AVEN: variants seen among roughly 807,000 people sequenced by gnomAD.
AVEN encodes the protein cell death regulator Aven.
AVEN carries 41 observed loss-of-function variants against 38.1 expected under a neutral mutation model. The ratio of observed to expected loss-of-function variants is 1.08; its 90% CI spans 0.84 to 1.40. AVEN has a LOEUF of 1.40. Ranked by LOEUF, AVEN falls within the 40% of genes most tolerant of loss-of-function variation. AVEN has a pLI of 0.00. For synonymous variants in AVEN, 206 were observed against 171.8 expected (o/e 1.20, Z -1.56); for missense variants, 605 against 438.8 (o/e 1.38, Z -3.38).
chr15:33,940,445 G>A (rs574774610), intron 2 of AVEN, among the ~76,000 whole-genome samples: 4 of 152,252 alleles, frequency 2.6e-5, no homozygotes, highest in South Asian at 2.1e-4. Context: ...CCAGTACTGC[G>A]TCGCCAAGTA....
exon 2 of AVEN, among the ~76,000 whole-genome samples, chr15:34,070,610 T>A (rs1254400479): frequency 2.0e-5 from 3 of 152,154 alleles, no homozygotes; most frequent in Non-Finnish European, 4.4e-5. Context: ...ATCACTTGGA[T>A]ACAGGGTGCT....
intron 2 of AVEN, among the ~76,000 whole-genome samples, chr15:33,927,471 C>T (rs945718273): frequency 6.6e-6 from 1 of 152,046 alleles, no homozygotes; most frequent in African/African-American, 2.4e-5. Context: ...ATGTATAAAA[C>T]ACTCTAAAAA....
At chr15:34,019,450 A>C (rs551520390) in intron 1 of AVEN, among the ~76,000 whole-genome samples, 32 of 152,324 alleles carry the variant, frequency 2.1e-4, no homozygotes, top group South Asian at 2.1e-3. Context: ...AAAAAAGCAT[A>C]AGTTTAGTGT....
intron 1 of AVEN, among the ~76,000 whole-genome samples, chr15:34,007,377 G>A (rs937420597): frequency 2.6e-5 from 4 of 152,108 alleles, no homozygotes; most frequent in African/African-American, 4.8e-5. Context: ...AAGAGCCGAC[G>A]GCCCCTTACA....
intron 2 of AVEN, among the ~76,000 whole-genome samples, chr15:34,070,381 T>TC (rs1900601828): frequency 6.6e-6 from 1 of 152,122 alleles, no homozygotes; most frequent in South Asian, 2.1e-4. Context: ...TGTTTCTTTT[T>TC]TTTTTTTAAA....
At chr15:33,977,988 G>C (rs1895957956) in intron 2 of AVEN, among the ~76,000 whole-genome samples, 1 of 124,390 alleles carries the variant, frequency 8.0e-6, no homozygotes. Flanking sequence ...AAAAAGAAAG[G>C]AAGAAAAGGA....
upstream of AVEN, among the ~76,000 whole-genome samples, chr15:34,043,331 C>T (rs1899556336): frequency 6.6e-6 from 1 of 151,918 alleles, no homozygotes; most frequent in Non-Finnish European, 1.5e-5. Context: ...GAAAAAAATG[C>T]ACTGTCCTCT....
chr15:33,866,142 T>TGATTCTACA (rs1327646600), downstream of AVEN: 2 of 168,424 alleles, frequency 1.2e-5, no homozygotes, highest in African/African-American at 4.8e-5. Context: ...CACTTCTGGT[T>TGATTCTACA]GATTCTACAA....
chr15:33,875,187 G>A (rs762263788), intron 3 of AVEN, among the ~76,000 whole-genome samples: 18 of 152,132 alleles, frequency 1.2e-4, no homozygotes, highest in Non-Finnish European at 2.5e-4. Flanking sequence ...TACGGGCTTC[G>A]GGTCTGCAGC....
At chr15:34,064,020 G>T (rs753027422) in intron 4 of AVEN, 13 of 1,614,182 alleles carry the variant, frequency 8.1e-6, no homozygotes, top group Non-Finnish European at 1.1e-5. Context: ...AGTGGTCCTA[G>T]TCAAAGAGAG....
At chr15:33,937,751 C>A (rs1894144523) in intron 2 of AVEN, among the ~76,000 whole-genome samples, 1 of 151,744 alleles carries the variant, frequency 6.6e-6, no homozygotes, top group Non-Finnish European at 1.5e-5. Context: ...CCTGTGAGCA[C>A]AGGGAGAATG....
chr15:33,956,177 C>T (rs1467654650), intron 2 of AVEN, among the ~76,000 whole-genome samples: 5 of 152,110 alleles, frequency 3.3e-5, no homozygotes, highest in Admixed American at 6.6e-5. Context: ...GACACTAGAG[C>T]GCCAGCTGTC....
chr15:33,908,937 G>A (rs569273169), intron 2 of AVEN, among the ~76,000 whole-genome samples: 1 of 152,230 alleles, frequency 6.6e-6, no homozygotes, highest in East Asian at 1.9e-4. Context: ...CTGAGATCTG[G>A]GCAGTTTCCT....
At chr15:33,927,701 T>C (rs560500563) in intron 2 of AVEN, among the ~76,000 whole-genome samples, 2 of 152,328 alleles carry the variant, frequency 1.3e-5, no homozygotes, top group South Asian at 2.1e-4. Context: ...TACATGGTCA[T>C]ATATTTTTGT....
In AVEN at chr15:33,877,173, C is replaced by CCGTT. The variant is rs148857887; in HGVS notation, c.446-1179_446-1178insAACG. On this transcript the variant is annotated intron_variant, in intron 2 of 5. Coordinates refer to ENST00000306730, the MANE Select transcript of AVEN (RefSeq NM_020371.3). ...CAAACAGAGAAACTGAGGAAAAGAA[C>CCGTT]CAACAGAGTTGTGGGTTGTTTTTTC... 5.8e-3 allele frequency among the ~76,000 whole-genome samples: 888 copies of CCGTT among 152,208 alleles called. 32 individuals carry two copies. In the East Asian group the frequency reaches 0.093, roughly 16 times the overall value.
intron 11 of AVEN, chr15:33,859,786 T>C (rs1011317940): frequency 6.6e-6 from 10 of 1,524,648 alleles, no homozygotes; most frequent in Non-Finnish European, 8.9e-6. Flanking sequence ...TTCTTTTTGC[T>C]TTCTTCCATC....
At position 33,914,806 on chromosome 15, in the gene AVEN, T is replaced by C. The variant is rs142302443; in HGVS notation, c.446-38811A>G. ...GTAGAGATACATGTATGCATGCATG[T>C]AGTTCATATCAGTATATGTACATAT... On this transcript the variant is annotated intron_variant, in intron 2 of 5. Transcript: ENST00000306730. Among the ~76,000 whole-genome samples, 413 of 152,184 alleles carry C rather than the reference T, an allele frequency of 2.7e-3. 9 individuals carry two copies. The highest frequency in any genetic ancestry group is 0.02 in the Admixed American group (304 of 15,274).
chr15:34,071,361 T>A lies in AVEN; in HGVS notation n.721-710A>T, dbSNP rs113679210. Among the ~76,000 whole-genome samples, 1,245 of 152,196 alleles carry A rather than the reference T, an allele frequency of 8.2e-3. 7 individuals are homozygous for A. The highest frequency in any genetic ancestry group is 0.01 in the Non-Finnish European group (680 of 67,984). On this transcript the variant is annotated intron_variant and non_coding_transcript_variant, in intron 1 of 11. Coordinates refer to the AVEN transcript ENST00000675287. ...GAGTGCAATGGCATGGTAGCCTCCATCTCCCAGGCTCAAGTGATACTTCTG... is the reference window on the plus strand; with the variant it reads ...GAGTGCAATGGCATGGTAGCCTCCAACTCCCAGGCTCAAGTGATACTTCTG...
downstream of AVEN, among the ~76,000 whole-genome samples, chr15:33,854,214 A>C (rs1374575761): frequency 6.8e-6 from 1 of 147,258 alleles, no homozygotes; most frequent in Non-Finnish European, 1.5e-5. Context: ...AAAAAAATTC[A>C]GGCTATGTGA....
Sources: allele counts gnomAD v4.1 joint callset (sites outside exome capture counted in the v4.1 genomes callset), GRCh38; gene constraint gnomAD v4.1.1; transcripts MANE v1.5; gene names NCBI Gene and HGNC (gene_info 2026-07-23, HGNC 2026-07-21).